The following CEP44 variants were observed in gnomAD, a reference collection of about 807,000 sequenced individuals.
CEP44 encodes the protein centrosomal protein 44, also known as centrosomal protein of 44 kDa.
A neutral mutation model predicts 46.7 loss-of-function variants in CEP44; 45 were observed. The observed-to-expected ratio is 0.96, with a 90% CI of 0.76 to 1.24. The LOEUF (loss-of-function observed/expected upper bound fraction) is 1.24. CEP44 is among the 50% of genes most tolerant of loss of function. CEP44 has a pLI of 0.00. For missense variants in CEP44, 475 were observed against 459.7 expected (o/e 1.03, Z -0.30); for synonymous variants, 142 against 146.0 (o/e 0.97, Z 0.20).
At chr4:174,289,668 T>G (rs1020202802) in intron 1 of CEP44, among the ~76,000 whole-genome samples, 1 of 152,128 alleles carries the variant, frequency 6.6e-6, no homozygotes, top group African/African-American at 2.4e-5. Flanking sequence ...AGTTTGTCTT[T>G]TCAAAAGAGG....
exon 9 of CEP44, chr4:174,332,179 A>G (rs1731352382): frequency 6.5e-6 from 1 of 152,678 alleles, no homozygotes; most frequent in Non-Finnish European, 1.5e-5. Context: ...GCAGGGAAAG[A>G]GCTGGGCAAG....
exon 9 of CEP44, chr4:174,332,816 G>A (rs1254780138): frequency 6.6e-6 from 1 of 152,138 alleles, no homozygotes; most frequent in Non-Finnish European, 1.5e-5. Context: ...TATTTTGGGG[G>A]TAATAAACAC....
rs1213435451 is a variant in CEP44, at chr4:174,310,993, A to G, written c.961+135A>G. On this transcript the variant is annotated intron_variant, in intron 9 of 11. Transcript: ENST00000503780. The surrounding 1 kb of genome is among the most constrained non-coding windows in gnomAD (Gnocchi z 4.2). The stretch of plus-strand genomic sequence containing the variant: ...AGAACAAAGAACATAATGAACCTAC[A>G]GACTACTAAAGCCAAGAATTGCTTA... 1 of 496,930 alleles carries G rather than the reference A, an allele frequency of 2.0e-6. No individual in the cohort carries two copies. Among genetic ancestry groups the G allele is most frequent in the Non-Finnish European group, 3.6e-6 (1 of 281,094 alleles). The allele number at this position is 496,930 out of a possible 1,614,324, so 30.8% of individuals were successfully genotyped here.
chr4:174,321,150 T>G (rs1297476336), downstream of CEP44, among the ~76,000 whole-genome samples: 2 of 152,176 alleles, frequency 1.3e-5, no homozygotes, highest in Admixed American at 6.5e-5. Flanking sequence ...TACATTAGAT[T>G]CTTCATTACA....
chr4:174,294,826 C>T (rs548028804), intron 1 of CEP44, among the ~76,000 whole-genome samples: 10 of 141,964 alleles, frequency 7.0e-5, no homozygotes, highest in South Asian at 4.5e-4. Context: ...ACCTCCCTCC[C>T]GGACGGGACG....
intron 2 of CEP44, among the ~76,000 whole-genome samples, chr4:174,298,401 T>A (rs1179949105): frequency 1.3e-5 from 2 of 151,868 alleles, no homozygotes; most frequent in Non-Finnish European, 2.9e-5. Context: ...GGTCTCGATC[T>A]CCTGACCTCC....
chr4:174,332,580 G>A (rs1240417839), exon 9 of CEP44: 1 of 152,104 alleles, frequency 6.6e-6, no homozygotes, highest in East Asian at 1.9e-4. Flanking sequence ...CATATTTAAA[G>A]TGGAAAGTAT....
chr4:174,303,939 A>G, intron 5 of CEP44, 90 bp downstream of exon 5: 1 of 881,870 alleles, frequency 1.1e-6, no homozygotes. Context: ...CTAGACAGCA[A>G]ATTATTTCAT....
chr4:174,299,175 C>T lies in CEP44; in HGVS notation c.54C>T (p.Arg18=). 3 of 1,613,740 alleles carry T rather than the reference C, an allele frequency of 1.9e-6. No individual in the cohort carries two copies. Among genetic ancestry groups the T allele is most frequent in the Non-Finnish European group, 2.5e-6 (3 of 1,179,728 alleles). The part of the protein sequence containing the change: ...RSLRNLEQVL[R]LLNYPEEVDC... ...TACGGAACCTAGAACAGGTGCTCCG[C>T]TTGCTAAATTATCCTGAAGAGGTGG... is the stretch of plus-strand genomic sequence containing the variant. Residue 18 remains arginine, a synonymous_variant, in exon 3 of 12, where the codon CGC becomes CGT. Transcript: ENST00000503780.
At position 174,310,523 on chromosome 4, in the gene CEP44, GT is replaced by G. The variant is rs1029060939; in HGVS notation, c.886-251del. Among the ~76,000 whole-genome samples the G allele has an allele frequency of 2.0e-5, 3 of 150,130 alleles. No homozygotes were observed. The highest frequency in any genetic ancestry group is 1.9e-4 in the East Asian group (1 of 5,146). ...TTGCCTTATCAAATCTGAGAAATTT[GT>G]TTTTTTTTACTCAGGATTTCAATTT... On this transcript the variant is annotated intron_variant, in intron 8 of 11. Transcript: ENST00000503780. This position sits in a 1 kb window ranked among gnomAD's most constrained non-coding sequence, Gnocchi z 4.2.
chr4:174,313,081 G>A (rs1741266058), intron 9 of CEP44, among the ~76,000 whole-genome samples: 1 of 152,024 alleles, frequency 6.6e-6, no homozygotes, highest in Non-Finnish European at 1.5e-5. Context: ...TGGTAAGAAT[G>A]AAATTTTTAG....
chr4:174,319,210 C>G lies in CEP44; in HGVS notation c.*1827C>G. The G allele has an allele frequency of 1.0e-6, 1 of 971,276 alleles. No homozygotes were observed. The highest frequency in any genetic ancestry group is 1.2e-6 in the Non-Finnish European group (1 of 817,122). The allele number at this position is 971,276 out of a possible 1,614,324, so 60.2% of individuals were successfully genotyped here. The stretch of plus-strand genomic sequence containing the variant: ...TTAACAGAGTTTCAGTAAATATTTC[C>G]AGAATTAATGAAGCATGTTAGCTTT... On this transcript the variant is annotated 3_prime_UTR_variant, in exon 12 of 12. Coordinates refer to ENST00000503780, the MANE Select transcript of CEP44 (RefSeq NM_001040157.3).
intron 9 of CEP44, among the ~76,000 whole-genome samples, chr4:174,313,088 T>C (rs1266749243): frequency 1.3e-5 from 2 of 152,102 alleles, no homozygotes; most frequent in Admixed American, 1.3e-4. Flanking sequence ...AATGAAATTT[T>C]TAGCATAAAA....
downstream of CEP44, among the ~76,000 whole-genome samples, chr4:174,324,224 A>G (rs547932714): frequency 2.0e-5 from 3 of 152,178 alleles, no homozygotes; most frequent in South Asian, 6.2e-4. Context: ...ATGTTGTTGT[A>G]TGTAGTAGTT....
rs56201469 is a variant in CEP44, at chr4:174,291,787, C to CTTTTTTTTT, written c.-147-6162_-147-6154dup. Among the ~76,000 whole-genome samples the CTTTTTTTTT allele has an allele frequency of 1.7e-3, 77 of 46,408 alleles. 6 individuals are homozygous for CTTTTTTTTT. The highest frequency in any genetic ancestry group is 2.4e-3 in the Non-Finnish European group (63 of 25,894). The allele number at this position is 46,408 out of a possible 152,430, so 30.4% of individuals were successfully genotyped here. On this transcript the variant is annotated intron_variant, in intron 1 of 11. Coordinates refer to ENST00000503780, the MANE Select transcript of CEP44 (RefSeq NM_001040157.3). ...CTTTATTCTTTTATCTTTTTCTTTT[C>CTTTTTTTTT]TTTTTTTTTTTTTTTTTTTTTTTTT...
In CEP44 at chr4:174,312,849, A is replaced by G. The variant is rs867594738; in HGVS notation, c.961+1991A>G. On this transcript the variant is annotated intron_variant, in intron 9 of 11. Coordinates refer to ENST00000503780, the MANE Select transcript of CEP44 (RefSeq NM_001040157.3). The surrounding 1 kb of genome is among the most constrained non-coding windows in gnomAD (Gnocchi z 4.5). The stretch of plus-strand genomic sequence containing the variant: ...AATAATTTACTACTCTGGGTTTAGG[A>G]TCATATTAAATCAGGAATAGTTTTT... 8.5e-5 allele frequency among the ~76,000 whole-genome samples: 13 copies of G among 152,300 alleles called. No homozygotes were observed. The South Asian group carries it at 2.5e-3, about 29-fold the overall frequency.
At chr4:174,304,454 C>T in intron 6 of CEP44, 85 bp downstream of exon 6, 1 of 1,511,130 alleles carries the variant, frequency 6.6e-7, no homozygotes, top group East Asian at 2.5e-5. Flanking sequence ...TGATTGGCAC[C>T]TGATGAACAT....
downstream of CEP44, among the ~76,000 whole-genome samples, chr4:174,320,925 CTTGAA>C (rs1424368121): frequency 6.6e-6 from 1 of 151,784 alleles, no homozygotes; most frequent in Non-Finnish European, 1.5e-5. Context: ...GTAAGAGTGA[CTTGAA>C]TTATGATGAC....
chr4:174,299,927 T>C (rs1739515070), intron 3 of CEP44, among the ~76,000 whole-genome samples: 1 of 152,206 alleles, frequency 6.6e-6, no homozygotes, highest in South Asian at 2.1e-4. Context: ...CCTTTTATCA[T>C]TGATTAATTG....
Sources: allele counts gnomAD v4.1 joint callset (sites outside exome capture counted in the v4.1 genomes callset), GRCh38; gene constraint gnomAD v4.1.1; non-coding constraint Gnocchi (gnomAD v3.1); transcripts MANE v1.5; gene names NCBI Gene and HGNC (gene_info 2026-07-23, HGNC 2026-07-21).